The following ZNF106 variants were observed in gnomAD, a reference collection of about 807,000 sequenced individuals.
The protein encoded by ZNF106 is zinc finger protein 106, also known as SH3-domain binding protein 3.
In ZNF106, 67 loss-of-function variants were observed where a neutral mutation model predicts 195.1. The observed-to-expected ratio is 0.34, with a 90% confidence interval of 0.28 to 0.42. The LOEUF (loss-of-function observed/expected upper bound fraction) is 0.42. ZNF106 is among the 10% of genes least tolerant of loss of function. The probability of loss-of-function intolerance (pLI) is 1.00; values close to 1 mark genes in which losing one functional copy is unlikely to be tolerated. For missense variants in ZNF106, 2,118 were observed against 2,304.5 expected (o/e 0.92, Z 1.66); for synonymous variants, 784 against 818.6 (o/e 0.96, Z 0.72).
At position 42,479,662 on chromosome 15, in the gene ZNF106, C is replaced by T. The variant is rs1026007884; in HGVS notation, c.-32-7341G>A. On this transcript the variant is annotated intron_variant, in intron 1 of 21. Transcript: ENST00000564754. Reference sequence around the variant, plus strand: ...TTTGAGACCAGCATGGCCAACATGGCAAAACCCCATCTCTACTAATAATAT... The same window carrying T: ...TTTGAGACCAGCATGGCCAACATGGTAAAACCCCATCTCTACTAATAATAT... Among the ~76,000 whole-genome samples the T allele has an allele frequency of 2.0e-5, 3 of 151,866 alleles. No individual in the cohort carries two copies. The East Asian group carries it at 5.9e-4, about 30-fold the overall frequency.
At chr15:42,469,858 C>T (rs796314048) in intron 2 of ZNF106, among the ~76,000 whole-genome samples, 6 of 85,982 alleles carry the variant, frequency 7.0e-5, no homozygotes, top group Non-Finnish European at 1.4e-4. Context: ...AAAACAACAA[C>T]AAAAAAAAAA....
At chr15:42,457,293 G>A in intron 3 of ZNF106, 135 bp from the exon 4 acceptor site, 1 of 1,526,830 alleles carries the variant, frequency 6.5e-7, no homozygotes, top group South Asian at 1.3e-5. Context: ...TAATTTCAAT[G>A]CTCCTTTCAT....
At chr15:42,420,677 C>T (rs1332875651) in intron 20 of ZNF106, among the ~76,000 whole-genome samples, 4 of 152,080 alleles carry the variant, frequency 2.6e-5, no homozygotes, top group Non-Finnish European at 5.9e-5. Context: ...CCACACAATT[C>T]AGCCTGATGA....
intron 14 of ZNF106, among the ~76,000 whole-genome samples, chr15:42,431,625 G>A (rs1017420619): frequency 1.4e-4 from 21 of 151,452 alleles, no homozygotes; most frequent in Non-Finnish European, 2.4e-4. Context: ...TTTTTCAGAC[G>A]CACCACACCC....
At chr15:42,457,802 G>A (rs866431193) in intron 3 of ZNF106, among the ~76,000 whole-genome samples, 5 of 152,246 alleles carry the variant, frequency 3.3e-5, no homozygotes. Context: ...GTTGTAGGAA[G>A]TTAACAGCTG....
At chr15:42,431,155 G>A (rs745552281) in intron 14 of ZNF106, among the ~76,000 whole-genome samples, 1 of 151,694 alleles carries the variant, frequency 6.6e-6, no homozygotes, top group Non-Finnish European at 1.5e-5. Flanking sequence ...CCTATATTTG[G>A]GGATTTCTTA....
intron 1 of ZNF106, among the ~76,000 whole-genome samples, chr15:42,475,801 T>C (rs8036255): frequency 0.072 from 11,011 of 152,240 alleles, 864 homozygotes; most frequent in African/African-American, 0.16. Context: ...ATGTTTTAAA[T>C]TGTGCTTCCA....
At chr15:42,419,389 A>C (rs1346584897) in intron 20 of ZNF106, among the ~76,000 whole-genome samples, 1 of 151,748 alleles carries the variant, frequency 6.6e-6, no homozygotes, top group Non-Finnish European at 1.5e-5. Context: ...AAATAATACA[A>C]AAATTAGCTG....
intron 3 of ZNF106, among the ~76,000 whole-genome samples, chr15:42,459,806 C>T (rs781706278): frequency 1.3e-5 from 2 of 151,816 alleles, no homozygotes; most frequent in Non-Finnish European, 2.9e-5. Context: ...TTTGGGAGGC[C>T]GAGGTGGGTG....
chr15:42,474,360 T>C (rs189522161), intron 1 of ZNF106, among the ~76,000 whole-genome samples: 1 of 152,364 alleles, frequency 6.6e-6, no homozygotes, highest in Admixed American at 6.5e-5. Context: ...CTTAGAACAG[T>C]GTATGACATA....
chr15:42,444,524 C>G (rs1294763308), intron 8 of ZNF106, among the ~76,000 whole-genome samples: 2 of 152,206 alleles, frequency 1.3e-5, no homozygotes, highest in Non-Finnish European at 2.9e-5. Context: ...CTTAAACCCT[C>G]ATATAAACTC....
chr15:42,420,318 T>G (rs981366065), intron 20 of ZNF106, among the ~76,000 whole-genome samples: 1 of 152,216 alleles, frequency 6.6e-6, no homozygotes, highest in African/African-American at 2.4e-5. Flanking sequence ...TTATATTCGC[T>G]ACCGCCTGTT....
chr15:42,485,401 C>T (rs1476236791), intron 1 of ZNF106, among the ~76,000 whole-genome samples: 6 of 152,172 alleles, frequency 3.9e-5, no homozygotes, highest in Non-Finnish European at 7.3e-5. Context: ...CATGCTGTTA[C>T]AACATTAATG....
In ZNF106 at chr15:42,424,947, G is replaced by C; in HGVS notation, c.5077C>G (p.Arg1693Gly). 1 of 1,614,138 alleles carries C rather than the reference G, an allele frequency of 6.2e-7. No homozygotes were observed. Among genetic ancestry groups the C allele is most frequent in the Non-Finnish European group, 8.5e-7 (1 of 1,180,022 alleles). ...TAAGACCCCACGACCAGCAGTTTTC[G>C]GGCACCTTCCTGAGCTGTAGCAAGA... ...SCLATAQEGA[R>G]KLLVVGSYDC... The change falls in exon 16 of 22, where the codon CGA becomes GGA. Residue 1693 changes from arginine (R) to glycine (G), a missense_variant. By Grantham distance (125) the Arg-to-Gly change is moderately radical (BLOSUM62 -2). Coordinates refer to ENST00000564754, the MANE Select transcript of ZNF106 (RefSeq NM_001366845.3).
intron 20 of ZNF106, among the ~76,000 whole-genome samples, chr15:42,419,820 G>T (rs572502257): frequency 6.6e-6 from 1 of 152,094 alleles, no homozygotes; most frequent in East Asian, 1.9e-4. Context: ...TGTGGTGGCG[G>T]GCGCCTGTGT....
At chr15:42,442,565 T>G (rs950794392) in intron 9 of ZNF106, 151 bp from the exon 10 acceptor site, 2 of 621,852 alleles carry the variant, frequency 3.2e-6, no homozygotes, top group African/African-American at 1.9e-5. Context: ...ATATGGAGAA[T>G]ATAATCTCTA....
At chr15:42,433,819 G>A (rs1266135348) in intron 14 of ZNF106, among the ~76,000 whole-genome samples, 2 of 152,032 alleles carry the variant, frequency 1.3e-5, no homozygotes, top group Non-Finnish European at 2.9e-5. Context: ...TAACTTATTA[G>A]AAATGTAAAT....
intron 3 of ZNF106, among the ~76,000 whole-genome samples, chr15:42,459,284 G>A (rs748311278): frequency 1.9e-4 from 29 of 151,756 alleles, no homozygotes; most frequent in Admixed American, 8.5e-4. Flanking sequence ...GAGACCACCC[G>A]GGCCAAACTG....
At chr15:42,459,850 C>T (rs2056345847) in intron 3 of ZNF106, among the ~76,000 whole-genome samples, 1 of 151,792 alleles carries the variant, frequency 6.6e-6, no homozygotes, top group South Asian at 2.1e-4. Flanking sequence ...ACCAGGCTGG[C>T]CAATACGGTG....
Sources: gnomAD v4.1 joint callset for allele counts (sites outside exome capture counted in the v4.1 genomes callset) on GRCh38, gnomAD v4.1.1 for gene constraint, MANE v1.5 for transcripts, NCBI Gene and HGNC (gene_info 2026-07-23, HGNC 2026-07-21) for gene names.